GNL3: variants seen among roughly 807,000 people sequenced by gnomAD.
The protein encoded by GNL3 is guanine nucleotide-binding protein-like 3.
In GNL3, 77 loss-of-function variants were observed where a neutral mutation model predicts 70.6. The ratio of observed to expected loss-of-function variants is 1.09; its 90% confidence interval spans 0.91 to 1.32. The LOEUF (loss-of-function observed/expected upper bound fraction) is 1.32, where lower values mean the gene tolerates loss of function less well. Among genes scored for constraint, GNL3 ranks in the 40% most tolerant of loss-of-function variants. The pLI is 0.00. For synonymous variants in GNL3, 252 were observed against 216.1 expected (o/e 1.17, Z -1.46); for missense variants, 634 against 644.0 (o/e 0.98, Z 0.17).
intron 13 of GNL3, 102 bp from the exon 14 acceptor site, chr3:52,693,935 T>A: frequency 7.8e-7 from 1 of 1,285,626 alleles, no homozygotes; most frequent in Non-Finnish European, 1.1e-6. Flanking sequence ...CACATCCCGT[T>A]ATATGTACCT....
At position 52,693,640 on chromosome 3, in the gene GNL3, G is replaced by T; in HGVS notation, c.1333G>T (p.Gly445Cys). 6 of 1,613,958 alleles carry T rather than the reference G, an allele frequency of 3.7e-6. No homozygotes were observed. Among genetic ancestry groups the T allele is most frequent in the Non-Finnish European group, 5.1e-6 (6 of 1,179,928 alleles). ...NNAQSIRAIK[G>C]PHLANSILFQ... ...CTTGCTTTCTTTCCCAGCCATCAAG[G>T]GCCCTCATTTGGCCAATAGCATCCT... The change falls in exon 13 of 15, where the codon GGC becomes TGC. Residue 445 changes from glycine (G) to cysteine (C), a missense_variant. Physicochemically the swap from Gly to Cys is radical, Grantham distance 159. Transcript: ENST00000418458.
Position 52,688,193 on chromosome 3 carries a change from G to A in GNL3, c.408+1G>A, listed in dbSNP as rs1438089249. ...GCTGTACTGCCAAGAACTTAAAAAGGTATCTTAGCCTAGGTCAGTGTCTGA... is the reference window on the plus strand; with the variant it reads ...GCTGTACTGCCAAGAACTTAAAAAGATATCTTAGCCTAGGTCAGTGTCTGA... On this transcript the variant is annotated splice_donor_variant, in intron 5 of 14. Transcript: ENST00000418458. LOFTEE classifies it high-confidence loss of function. The A allele has an allele frequency of 1.3e-6, 2 of 1,562,742 alleles. No homozygotes were observed. The highest frequency in any genetic ancestry group is 1.8e-6 in the Non-Finnish European group (2 of 1,133,292).
At position 52,694,071 on chromosome 3, in the gene GNL3, C is replaced by T. The variant is rs2097330186; in HGVS notation, c.1535C>T (p.Thr512Ile). The T allele has an allele frequency of 6.2e-7, 1 of 1,613,878 alleles. No homozygotes were observed. Among genetic ancestry groups the T allele is most frequent in the Non-Finnish European group, 8.5e-7 (1 of 1,179,752 alleles). The change falls in exon 14 of 15, where the codon ACA becomes ATA. Residue 512 changes from threonine to isoleucine, a missense_variant. Thr to Ile is a moderately conservative substitution (Grantham distance 89). Coordinates refer to ENST00000418458, the MANE Select transcript of GNL3 (RefSeq NM_014366.5). ...NSSGMFAAEE[T>I]GEALSEETTA... ...TCAGGCATGTTTGCTGCAGAAGAGA[C>T]AGGGGAGGCACTGTCTGAGGAGACT...
Position 52,689,283 on chromosome 3 carries a change from C to G in GNL3, c.541+77C>G, listed in dbSNP as rs536153553. The G allele has an allele frequency of 4.6e-6, 6 of 1,304,892 alleles. No individual in the cohort carries two copies. The Admixed American group carries it at 1.0e-4, about 22-fold the overall frequency. The allele number at this position is 1,304,892 out of a possible 1,614,324, so 80.8% of individuals were successfully genotyped here. A position where few individuals can be genotyped will look rare whatever the true frequency, so the allele number is the denominator to read the frequency against. On this transcript the variant is annotated intron_variant, in intron 6 of 14. Transcript: ENST00000418458. ...GAAACAGTCTGATAGTCACTGAAGA[C>G]TGATTAGATCCAACTCTGATCTCAG...
Position 52,689,162 on chromosome 3 carries a change from T to G in GNL3, c.497T>G (p.Val166Gly). 1 of 1,613,198 alleles carries G rather than the reference T, an allele frequency of 6.2e-7. No individual in the cohort carries two copies. Among genetic ancestry groups the G allele is most frequent in the East Asian group, 2.2e-5 (1 of 44,882 alleles). The change falls in exon 6 of 15, where the codon GTC (valine) becomes GGC (glycine). Residue 166 changes from valine (V) to glycine (G), a missense_variant. Val to Gly is a moderately radical substitution (Grantham distance 109). Transcript: ENST00000418458. ...CRCPQVEEAI[V>G]QSGQKKLVLI... ...TGTCCTCAGGTAGAAGAGGCCATTGTCCAGAGTGGACAGAAAAAGCTGGTA... is the reference window on the plus strand; with the variant it reads ...TGTCCTCAGGTAGAAGAGGCCATTGGCCAGAGTGGACAGAAAAAGCTGGTA...
intron 1 of GNL3, chr3:52,686,455 A>C (rs772874481): frequency 8.3e-5 from 47 of 569,650 alleles, no homozygotes; most frequent in Non-Finnish European, 1.3e-4. Flanking sequence ...TCCCAGACTC[A>C]GTGTTCCTCT....
rs200477007 is a variant in GNL3, at chr3:52,693,554, G to C, written c.1324+10G>C. On this transcript the variant is annotated intron_variant, in intron 12 of 14. Coordinates refer to ENST00000418458, the MANE Select transcript of GNL3 (RefSeq NM_014366.5). Reference sequence around the variant, plus strand: ...GCACAGAGCATAAGAGGTGAGAATTGTGTGTCGCTGCTGTCTTCATCAGCT... The same window carrying C: ...GCACAGAGCATAAGAGGTGAGAATTCTGTGTCGCTGCTGTCTTCATCAGCT... The C allele has an allele frequency of 1.1e-4, 182 of 1,614,198 alleles. 2 individuals are homozygous for C. The highest frequency in any genetic ancestry group is 4.9e-4 in the South Asian group (45 of 91,082).
At chr3:52,690,065 A>G (rs543266261) in intron 6 of GNL3, among the ~76,000 whole-genome samples, 3 of 152,212 alleles carry the variant, frequency 2.0e-5, no homozygotes, top group Admixed American at 6.5e-5. Context: ...TGAGCAATAC[A>G]AGGGGAATTG....
intron 1 of GNL3, 70 bp downstream of exon 1, chr3:52,686,175 T>C: frequency 6.5e-7 from 1 of 1,549,342 alleles, no homozygotes; most frequent in Non-Finnish European, 8.9e-7. Context: ...CACGACGCTC[T>C]TCTACGGCTA....
At position 52,693,349 on chromosome 3, in the gene GNL3, G is replaced by C. The variant is rs138969293; in HGVS notation, c.1187+20G>C. On this transcript the variant is annotated intron_variant, in intron 11 of 14. Coordinates refer to ENST00000418458, the MANE Select transcript of GNL3 (RefSeq NM_014366.5). ...GACAGGGTAAGCTTTCTTTTCTGTTGGCATTTTGGTGACCACTAGAATAAA... is the reference window on the plus strand; with the variant it reads ...GACAGGGTAAGCTTTCTTTTCTGTTCGCATTTTGGTGACCACTAGAATAAA... 1.7e-3 allele frequency: 2,694 copies of C among 1,613,444 alleles called. 36 individuals are homozygous for C. In the African/African-American group the frequency reaches 0.031, roughly 19 times the overall value.
In GNL3 at chr3:52,691,547, C is replaced by A; in HGVS notation, c.787C>A (p.Pro263Thr). The A allele has an allele frequency of 6.4e-7, 1 of 1,573,324 alleles. No individual in the cohort carries two copies. The highest frequency in any genetic ancestry group is 1.1e-5 in the South Asian group (1 of 88,490). ...KAIRVGVIGF[P>T]NVGKSSIINS... Reference sequence around the variant, plus strand: ...GATTTCCCATTTATTTGTAGGTTTCCCAAATGTGGGGAAAAGCAGCATTAT... The same window carrying A: ...GATTTCCCATTTATTTGTAGGTTTCACAAATGTGGGGAAAAGCAGCATTAT... The change falls in exon 9 of 15, where the codon CCA becomes ACA. Residue 263 changes from proline to threonine, a missense_variant. Pro to Thr is a conservative substitution (Grantham distance 38). Transcript: ENST00000418458.
At chr3:52,691,103 A>G in intron 8 of GNL3, 32 bp downstream of exon 8, 1 of 1,598,730 alleles carries the variant, frequency 6.3e-7, no homozygotes, top group African/African-American at 1.3e-5. Context: ...TTTACTTTTT[A>G]AGTGTTGAAA....
Position 52,691,077 on chromosome 3 carries a change from T to A in GNL3, c.781+6T>A. On this transcript the variant is annotated splice_donor_region_variant and intron_variant, in intron 8 of 14. Coordinates refer to ENST00000418458, the MANE Select transcript of GNL3 (RefSeq NM_014366.5). ...CATTCGGGTTGGAGTAATTGGTGAG[T>A]TTCAGTTCATTACTTTTTACTTTTT... The A allele has an allele frequency of 1.2e-6, 2 of 1,612,466 alleles. No homozygotes were observed. Among genetic ancestry groups the A allele is most frequent in the Non-Finnish European group, 1.7e-6 (2 of 1,178,678 alleles).
intron 2 of GNL3, 93 bp downstream of exon 2, chr3:52,686,920 G>C: frequency 1.0e-6 from 1 of 979,230 alleles, no homozygotes; most frequent in East Asian, 2.5e-5. Context: ...AATGTGATTT[G>C]GTTTTGGGAA....
chr3:52,687,385 T>TA lies in GNL3; in HGVS notation c.210+4dup. ...GAAGCTGAGCTAAGGAAACAGAGGG[T>TA]AAGTTATGTTAGCCAGAATTTTCAT... is the stretch of plus-strand genomic sequence containing the variant. On this transcript the variant is annotated splice_region_variant and intron_variant, in intron 3 of 14. Transcript: ENST00000418458. 1 of 1,613,160 alleles carries TA rather than the reference T, an allele frequency of 6.2e-7. No homozygotes were observed.
At position 52,691,088 on chromosome 3, in the gene GNL3, T is replaced by C; in HGVS notation, c.781+17T>C. The C allele has an allele frequency of 6.2e-7, 1 of 1,609,140 alleles. No individual in the cohort carries two copies. The highest frequency in any genetic ancestry group is 8.5e-7 in the Non-Finnish European group (1 of 1,175,720). On this transcript the variant is annotated intron_variant, in intron 8 of 14. Coordinates refer to ENST00000418458, the MANE Select transcript of GNL3 (RefSeq NM_014366.5). The stretch of plus-strand genomic sequence containing the variant: ...GAGTAATTGGTGAGTTTCAGTTCAT[T>C]ACTTTTTACTTTTTAAGTGTTGAAA...
intron 2 of GNL3, 160 bp from the exon 3 acceptor site, chr3:52,687,086 A>G: frequency 1.5e-6 from 1 of 662,410 alleles, no homozygotes; most frequent in Non-Finnish European, 2.6e-6. Context: ...GCTGTTTTAT[A>G]CTTACATATG....
chr3:52,692,064 G>A (rs1236800644), intron 9 of GNL3, among the ~76,000 whole-genome samples: 1 of 152,192 alleles, frequency 6.6e-6, no homozygotes. Flanking sequence ...ACTGATTGGA[G>A]TGGGACAGCT....
At chr3:52,686,644 C>T in intron 1 of GNL3, 125 bp from the exon 2 acceptor site, 1 of 690,290 alleles carries the variant, frequency 1.4e-6, no homozygotes, top group Non-Finnish European at 2.6e-6. Flanking sequence ...TTGCATTAGG[C>T]ATTTCGCATT....
Sources: allele counts gnomAD v4.1 joint callset (sites outside exome capture counted in the v4.1 genomes callset), GRCh38; gene constraint gnomAD v4.1.1; transcripts MANE v1.5; gene names NCBI Gene and HGNC (gene_info 2026-07-23, HGNC 2026-07-21).